FBXL5: variants seen among roughly 807,000 people sequenced by gnomAD.
FBXL5 encodes F-box and leucine rich repeat protein 5.
FBXL5 carries 26 observed loss-of-function variants against 78.3 expected under a neutral mutation model. The observed-to-expected ratio is 0.33, with a 90% CI of 0.24 to 0.46. FBXL5 has a LOEUF of 0.46. Among genes scored for constraint, FBXL5 ranks in the 20% least tolerant of loss-of-function variants. The pLI is 1.00. For synonymous variants in FBXL5, 295 were observed against 282.5 expected, an observed-to-expected ratio of 1.04 and a Z score of -0.45; for missense variants, 710 against 829.2, an observed-to-expected ratio of 0.86 and a Z score of 1.77.
chr4:15,643,391 A>C (rs1215042383), intron 2 of FBXL5, among the ~76,000 whole-genome samples: 1 of 152,244 alleles, frequency 6.6e-6, no homozygotes, highest in Non-Finnish European at 1.5e-5. Context: ...AGGGAAATAA[A>C]CTAAGATCAA....
chr4:15,641,742 TCCTG>T, intron 2 of FBXL5: 1 of 379,062 alleles, frequency 2.6e-6, no homozygotes, highest in Non-Finnish European at 5.1e-6. Flanking sequence ...GTTAACATTA[TCCTG>T]CCAGGCACGG....
chr4:15,661,218 T>C (rs1272550332), upstream of FBXL5, among the ~76,000 whole-genome samples: 1 of 152,230 alleles, frequency 6.6e-6, no homozygotes, highest in Non-Finnish European at 1.5e-5. Flanking sequence ...GTTTCCCCTG[T>C]GTGCAAGGTT....
intron 6 of FBXL5, among the ~76,000 whole-genome samples, 167 bp from the exon 7 acceptor site, chr4:15,628,200 A>G (rs1445929797): frequency 6.6e-6 from 1 of 152,224 alleles, no homozygotes; most frequent in African/African-American, 2.4e-5. Flanking sequence ...AAAAATGTGA[A>G]AACTGAAAAG....
At chr4:15,667,626 G>T (rs968724404) in intron 1 of FBXL5, among the ~76,000 whole-genome samples, 5 of 152,044 alleles carry the variant, frequency 3.3e-5, no homozygotes, top group Admixed American at 3.3e-4. Context: ...TCTGAACAAG[G>T]ACTTTGCCTG....
At chr4:15,656,475 CTA>C, upstream of FBXL5, 1 of 342,308 alleles carries the variant, frequency 2.9e-6, no homozygotes, top group Non-Finnish European at 5.8e-6. Context: ...TCTCTATTAT[CTA>C]TCACAGTTGC....
chr4:15,622,658 CTTAG>C (rs58228740), intron 9 of FBXL5, among the ~76,000 whole-genome samples: 11,034 of 152,226 alleles, frequency 0.072, 489 homozygotes, highest in Middle Eastern at 0.099. Context: ...AGAGAATTGT[CTTAG>C]TTACTCTAGA....
intron 6 of FBXL5, among the ~76,000 whole-genome samples, chr4:15,629,354 T>A (rs1023854069): frequency 6.6e-6 from 1 of 152,146 alleles, no homozygotes; most frequent in African/African-American, 2.4e-5. Context: ...TGAGACTTCC[T>A]TAAGTTGACA....
chr4:15,638,342 G>A (rs556590389), intron 4 of FBXL5, among the ~76,000 whole-genome samples, 166 bp downstream of exon 4: 80 of 152,134 alleles, frequency 5.3e-4, no homozygotes, highest in Non-Finnish European at 1.0e-3. Context: ...ATTCTAAAAT[G>A]AGAACCATCG....
intron 9 of FBXL5, among the ~76,000 whole-genome samples, chr4:15,623,424 G>GA (rs1712681142): frequency 6.6e-6 from 1 of 151,568 alleles, no homozygotes; most frequent in South Asian, 2.1e-4. Flanking sequence ...TTCATTCTTT[G>GA]AAAAAAACAC....
intron 1 of FBXL5, among the ~76,000 whole-genome samples, chr4:15,666,679 A>G (rs1408560118): frequency 1.3e-5 from 2 of 152,098 alleles, no homozygotes; most frequent in Non-Finnish European, 2.9e-5. Context: ...AAACATCAAA[A>G]AAATTAGCCA....
intron 1 of FBXL5, among the ~76,000 whole-genome samples, chr4:15,677,324 G>C (rs1177031902): frequency 1.3e-5 from 2 of 152,060 alleles, no homozygotes; most frequent in African/African-American, 4.8e-5. Flanking sequence ...TAAAACCCTT[G>C]GAATTTCCTA....
chr4:15,607,386 T>G (rs1014161840), intron 10 of FBXL5, among the ~76,000 whole-genome samples: 1 of 152,194 alleles, frequency 6.6e-6, no homozygotes, highest in Non-Finnish European at 1.5e-5. Flanking sequence ...AAATGAGAAG[T>G]TAAATATGTT....
chr4:15,614,949 C>T (rs529052032), intron 9 of FBXL5, among the ~76,000 whole-genome samples: 5 of 152,122 alleles, frequency 3.3e-5, no homozygotes, highest in Admixed American at 6.5e-5. Context: ...CTGCGTGCGG[C>T]GCTTGCGGGC....
At chr4:15,645,424 TTTTC>T (rs891088548) in intron 1 of FBXL5, among the ~76,000 whole-genome samples, 136 of 152,202 alleles carry the variant, frequency 8.9e-4, no homozygotes, top group East Asian at 3.9e-4. Context: ...GGTAAGTTAC[TTTTC>T]TTTCTTTCTT....
At chr4:15,605,993 C>T (rs1721860350) in intron 10 of FBXL5, among the ~76,000 whole-genome samples, 194 bp from the exon 11 acceptor site, 1 of 152,092 alleles carries the variant, frequency 6.6e-6, no homozygotes, top group African/African-American at 2.4e-5. Flanking sequence ...ATTAATATAT[C>T]CTTCATGGTC....
intron 9 of FBXL5, 71 bp downstream of exon 9, chr4:15,625,181 T>C (rs1228346638): frequency 1.3e-6 from 2 of 1,484,402 alleles, no homozygotes; most frequent in East Asian, 4.5e-5. Context: ...ATGACTTAGA[T>C]CAAAATTTTT....
At chr4:15,627,203 T>C (rs1713161646) in intron 7 of FBXL5, among the ~76,000 whole-genome samples, 1 of 148,954 alleles carries the variant, frequency 6.7e-6, no homozygotes, top group Admixed American at 6.7e-5. Flanking sequence ...GGCAGTATCT[T>C]GGCTCACTGC....
At chr4:15,649,989 T>C (rs376525361) in intron 1 of FBXL5, among the ~76,000 whole-genome samples, 1 of 152,152 alleles carries the variant, frequency 6.6e-6, no homozygotes, top group East Asian at 1.9e-4. Context: ...TCTTTTCAGA[T>C]ACAAGAGAGT....
intron 9 of FBXL5, among the ~76,000 whole-genome samples, chr4:15,612,803 A>G (rs1722357294): frequency 6.6e-6 from 1 of 152,184 alleles, no homozygotes; most frequent in African/African-American, 2.4e-5. Context: ...GTTTCTAAAA[A>G]AAAAATTATA....
Sources: allele counts gnomAD v4.1 joint callset (sites outside exome capture counted in the v4.1 genomes callset), GRCh38; gene constraint gnomAD v4.1.1; transcripts MANE v1.5; gene names NCBI Gene and HGNC (gene_info 2026-07-23, HGNC 2026-07-21).